Variants in VARS1 observed in about 807,000 individuals in gnomAD.
The protein encoded by VARS1 is valine--tRNA ligase.
A neutral mutation model predicts 161.0 loss-of-function variants in VARS1; 92 were observed. The observed-to-expected ratio is 0.57, with a 90% CI of 0.48 to 0.68. The LOEUF (loss-of-function observed/expected upper bound fraction) is 0.68, where lower values mean the gene tolerates loss of function less well. Ranked by LOEUF, VARS1 falls within the 30% of genes least tolerant of loss-of-function variation. The probability of loss-of-function intolerance (pLI) is 0.00; values close to 1 mark genes in which losing one functional copy is unlikely to be tolerated. For synonymous variants in VARS1, 595 were observed against 682.5 expected (o/e 0.87, Z 2.00); for missense variants, 1,338 against 1,695.9 (o/e 0.79, Z 3.71).
intron 4 of VARS1, 28 bp downstream of exon 4, chr6:31,792,729 T>C (rs1301402777): frequency 6.2e-7 from 1 of 1,613,068 alleles, no homozygotes; most frequent in Non-Finnish European, 8.5e-7. Context: ...GGGAAGCCCC[T>C]ATCCTCCAAC....
In VARS1 at chr6:31,780,181, C is replaced by T. The variant is rs754658019; in HGVS notation, c.2926-28G>A. Reference sequence around the variant, plus strand: ...TGGGGAGAGAGGGTGTATCAGCCGGCGGGCCAGGGGAGGGTGCCAGAACCC... The same window carrying T: ...TGGGGAGAGAGGGTGTATCAGCCGGTGGGCCAGGGGAGGGTGCCAGAACCC... On this transcript the variant is annotated intron_variant, in intron 25 of 29. Coordinates refer to ENST00000375663, the MANE Select transcript of VARS1 (RefSeq NM_006295.3). The surrounding 1 kb of genome is among the most constrained non-coding windows in gnomAD (Gnocchi z 5.1). 1.6e-5 allele frequency: 26 copies of T among 1,610,258 alleles called. No individual in the cohort carries two copies. Among genetic ancestry groups the T allele is most frequent in the East Asian group, 2.2e-5 (1 of 44,874 alleles).
At position 31,778,677 on chromosome 6, in the gene VARS1, T is replaced by G; in HGVS notation, c.3726+290A>C. ...AGTGTGTGCCACTATGGCCAGCTAA[T>G]TTTTGTATTTTTGTTGTAGAGATGG... is the stretch of plus-strand genomic sequence containing the variant. On this transcript the variant is annotated intron_variant, in intron 29 of 29. Transcript: ENST00000375663. The surrounding 1 kb of genome is among the most constrained non-coding windows in gnomAD (Gnocchi z 5.1). 6.1e-6 allele frequency: 3 copies of G among 491,474 alleles called. No homozygotes were observed. The highest frequency in any genetic ancestry group is 3.6e-6 in the Non-Finnish European group (1 of 275,604). The allele number at this position is 491,474 out of a possible 1,614,324, so 30.4% of individuals were successfully genotyped here. A position where few individuals can be genotyped will look rare whatever the true frequency, so the allele number is the denominator to read the frequency against.
chr6:31,790,104 TA>T (rs536213828), intron 8 of VARS1, among the ~76,000 whole-genome samples: 12,007 of 143,654 alleles, frequency 0.084, 568 homozygotes, highest in Non-Finnish European at 0.11. Flanking sequence ...GCTGATGAGC[TA>T]AAAAAAAAAA....
chr6:31,792,426 T>G lies in VARS1; in HGVS notation c.752A>C (p.Gln251Pro). 1 of 1,614,060 alleles carries G rather than the reference T, an allele frequency of 6.2e-7. No individual in the cohort carries two copies. Among genetic ancestry groups the G allele is most frequent in the Non-Finnish European group, 8.5e-7 (1 of 1,179,998 alleles). Residue 251 changes from glutamine to proline, a missense_variant, in exon 5 of 30, where the codon CAG becomes CCG. Coordinates refer to ENST00000375663, the MANE Select transcript of VARS1 (RefSeq NM_006295.3). ...REKLEKFQQKQKIQQQQPPPG... is the reference protein window; with the variant it reads ...REKLEKFQQKPKIQQQQPPPG... Reference sequence around the variant, plus strand: ...AGGTGGCTGCTGCTGTTGGATCTTCTGCTTCTGTTGGAATTTCTCTAGCTT... The same window carrying G: ...AGGTGGCTGCTGCTGTTGGATCTTCGGCTTCTGTTGGAATTTCTCTAGCTT...
Position 31,791,350 on chromosome 6 carries a change from A to AAAATT in VARS1, c.1100+255_1100+259dup, listed in dbSNP as rs1813852442. Among the ~76,000 whole-genome samples, 2 of 152,144 alleles carry AAAATT rather than the reference A, an allele frequency of 1.3e-5. No homozygotes were observed. Among genetic ancestry groups the AAAATT allele is most frequent in the Admixed American group, 6.5e-5 (1 of 15,278 alleles). On this transcript the variant is annotated intron_variant, in intron 8 of 29. Transcript: ENST00000375663. This position sits in a 1 kb window ranked among gnomAD's most constrained non-coding sequence, Gnocchi z 5.0. ...ACAAAGTGAAAACTCATCTTTACAAAAAATTAAATTAAATTAAATTAAAAT... is the reference window on the plus strand; with the variant it reads ...ACAAAGTGAAAACTCATCTTTACAAAAAATTAAATTAAATTAAATTAAATTAAAAT...
chr6:31,778,275 C>A lies in VARS1; in HGVS notation c.3727-613G>T. The stretch of plus-strand genomic sequence containing the variant: ...GGCATGCAGGTTTCCACATTTTGGG[C>A]AGCTGGGTGGGGTACGAAGGGTCTG... On this transcript the variant is annotated intron_variant, in intron 29 of 29. Transcript: ENST00000375663. The surrounding 1 kb of genome is among the most constrained non-coding windows in gnomAD (Gnocchi z 5.1). 6.4e-6 allele frequency: 1 copy of A among 156,196 alleles called. No homozygotes were observed. The highest frequency in any genetic ancestry group is 6.2e-5 in the Admixed American group (1 of 16,102). 9.7% of individuals were successfully genotyped at this position (156,196 alleles called of 1,614,324 possible). A position where few individuals can be genotyped will look rare whatever the true frequency, so the allele number is the denominator to read the frequency against.
chr6:31,783,058 G>A (rs1194984238), intron 14 of VARS1, 38 bp downstream of exon 14: 2 of 1,606,536 alleles, frequency 1.2e-6, no homozygotes, highest in South Asian at 2.2e-5. Context: ...TGCAGCTCCA[G>A]TCTTTTCCTC....
chr6:31,783,195 G>A lies in VARS1; in HGVS notation c.1672-9C>T, dbSNP rs372911022. The A allele has an allele frequency of 7.1e-5, 114 of 1,611,564 alleles. No homozygotes were observed. The highest frequency in any genetic ancestry group is 1.9e-4 in the South Asian group (17 of 90,782). On this transcript the variant is annotated splice_polypyrimidine_tract_variant and intron_variant, in intron 13 of 29. Coordinates refer to ENST00000375663, the MANE Select transcript of VARS1 (RefSeq NM_006295.3). Reference sequence around the variant, plus strand: ...TTCTTCCCCTTCAGGTGCTGGGGGCGGAAAGATACCAAAAACGCATGAAGC... The same window carrying A: ...TTCTTCCCCTTCAGGTGCTGGGGGCAGAAAGATACCAAAAACGCATGAAGC...
At position 31,782,661 on chromosome 6, in the gene VARS1, C is replaced by T. The variant is rs777756265; in HGVS notation, c.1888-28G>A. On this transcript the variant is annotated intron_variant, in intron 15 of 29. Coordinates refer to ENST00000375663, the MANE Select transcript of VARS1 (RefSeq NM_006295.3). The surrounding 1 kb of genome is among the most constrained non-coding windows in gnomAD (Gnocchi z 8.3). ...GGGTAGGAATGAGGCCTCATCATGG[C>T]GATGCCCAGCCATCCCTCCATCTCC... is the stretch of plus-strand genomic sequence containing the variant. 10 of 1,612,948 alleles carry T rather than the reference C, an allele frequency of 6.2e-6. No individual in the cohort carries two copies. Among genetic ancestry groups the T allele is most frequent in the South Asian group, 5.5e-5 (5 of 91,084 alleles).
Position 31,791,474 on chromosome 6 carries a change from CAGAG to C in VARS1, c.1100+132_1100+135del, listed in dbSNP as rs1813860178. The stretch of plus-strand genomic sequence containing the variant: ...AAGCTAAATGATCAGATTGGAATGA[CAGAG>C]AGAAGTGTAGCACCACTGGGGGCAG... On this transcript the variant is annotated intron_variant, in intron 8 of 29. Coordinates refer to ENST00000375663, the MANE Select transcript of VARS1 (RefSeq NM_006295.3). This position sits in a 1 kb window ranked among gnomAD's most constrained non-coding sequence, Gnocchi z 5.0. The C allele has an allele frequency of 7.9e-7, 1 of 1,265,004 alleles. No homozygotes were observed. Among genetic ancestry groups the C allele is most frequent in the Non-Finnish European group, 1.1e-6 (1 of 938,876 alleles). 78.4% of individuals were successfully genotyped at this position (1,265,004 alleles called of 1,614,324 possible). A position where few individuals can be genotyped will look rare whatever the true frequency, so the allele number is the denominator to read the frequency against.
At position 31,779,877 on chromosome 6, in the gene VARS1, G is replaced by C. The variant is rs547946661; in HGVS notation, c.3082-63C>G. 2.9e-4 allele frequency: 472 copies of C among 1,605,164 alleles called. 1 individual carries two copies. Among genetic ancestry groups the C allele is most frequent in the Non-Finnish European group, 3.5e-4 (416 of 1,175,048 alleles). On this transcript the variant is annotated intron_variant, in intron 26 of 29. Transcript: ENST00000375663. This position sits in a 1 kb window ranked among gnomAD's most constrained non-coding sequence, Gnocchi z 9.1. ...CTAGCCTTGAGCCCTCGCTGTGCCT[G>C]TGAGGACTGGGAAGGGGATGGGTTG...
chr6:31,779,919 C>CTG lies in VARS1; in HGVS notation c.3081+78_3081+79insCA. On this transcript the variant is annotated intron_variant, in intron 26 of 29. Transcript: ENST00000375663. The surrounding 1 kb of genome is among the most constrained non-coding windows in gnomAD (Gnocchi z 9.1). ...GATGGGTTGGCTTAGGTCTCAAGGC[C>CTG]AACTCTGGCAAAACTGAGCCCAGGG... 2 of 1,603,202 alleles carry CTG rather than the reference C, an allele frequency of 1.2e-6. No homozygotes were observed. Among genetic ancestry groups the CTG allele is most frequent in the Non-Finnish European group, 8.5e-7 (1 of 1,174,262 alleles).
Position 31,781,053 on chromosome 6 carries a change from T to G in VARS1, c.2615A>C (p.Asp872Ala). Residue 872 changes from aspartate to alanine, a missense_variant, in exon 22 of 30, where the codon GAT (aspartate) becomes GCT (alanine). This residue lies in a region of VARS1 where 433 missense variants were observed against 586.2 expected (regional missense o/e 0.74). Coordinates refer to ENST00000375663, the MANE Select transcript of VARS1 (RefSeq NM_006295.3). The surrounding 1 kb of genome is among the most constrained non-coding windows in gnomAD (Gnocchi z 6.8). ...GATTCCATAGATGACGTCCAGGGGA[T>G]CGATGACATTGCCTAGAGACTTGCT... ...KMSKSLGNVI[D>A]PLDVIYGISL... 6.2e-7 allele frequency: 1 copy of G among 1,613,828 alleles called. No individual in the cohort carries two copies. Among genetic ancestry groups the G allele is most frequent in the Non-Finnish European group, 8.5e-7 (1 of 1,180,020 alleles).
rs1813426147 is a variant in VARS1, at chr6:31,785,322, C to A, written c.1271G>T (p.Gly424Val). 1 of 1,612,982 alleles carries A rather than the reference C, an allele frequency of 6.2e-7. No homozygotes were observed. Among genetic ancestry groups the A allele is most frequent in the Admixed American group, 1.7e-5 (1 of 60,004 alleles). The change falls in exon 10 of 30, where the codon GGT becomes GTT. Residue 424 changes from glycine to valine, a missense_variant. Coordinates refer to ENST00000375663, the MANE Select transcript of VARS1 (RefSeq NM_006295.3). The surrounding 1 kb of genome is among the most constrained non-coding windows in gnomAD (Gnocchi z 6.1). The stretch of plus-strand genomic sequence containing the variant: ...CTTCAACTGGTGGTAAATCCGGTCA[C>A]CTTTCCTGGAAGCAGACAGGCTGAG... The part of the protein sequence containing the change: ...QEVWKWKEEK[G>V]DRIYHQLKKL...
In VARS1 at chr6:31,785,656, T is replaced by A; in HGVS notation, c.1178A>T (p.Glu393Val). 1.9e-6 allele frequency: 3 copies of A among 1,612,940 alleles called. No homozygotes were observed. Among genetic ancestry groups the A allele is most frequent in the Non-Finnish European group, 2.5e-6 (3 of 1,180,010 alleles). The stretch of plus-strand genomic sequence containing the variant: ...TCCCTGCTCACGCCATAGCTTCTTC[T>A]CCACCACCACCTGGGTGGCAATACC... ...HAGIATQVVV[E>V]KKLWREQGLS... is the part of the protein sequence containing the mutation. The change falls in exon 9 of 30, where the codon GAG becomes GTG. Residue 393 changes from glutamate (E) to valine (V), a missense_variant. Coordinates refer to ENST00000375663, the MANE Select transcript of VARS1 (RefSeq NM_006295.3). The surrounding 1 kb of genome is among the most constrained non-coding windows in gnomAD (Gnocchi z 6.1).
Position 31,792,920 on chromosome 6 carries a change from T to C in VARS1, c.523-25A>G, listed in dbSNP as rs773698986. On this transcript the variant is annotated intron_variant, in intron 3 of 29. Transcript: ENST00000375663. ...CCTGGAACAGGAAATAAATGACTCTTCTCAGTCACCCTACAGTGAGGTCTG... is the reference window on the plus strand; with the variant it reads ...CCTGGAACAGGAAATAAATGACTCTCCTCAGTCACCCTACAGTGAGGTCTG... The C allele has an allele frequency of 2.5e-6, 4 of 1,614,056 alleles. No homozygotes were observed. In the East Asian group the frequency reaches 8.9e-5, roughly 36 times the overall value.
intron 2 of VARS1, 100 bp downstream of exon 2, chr6:31,794,731 C>G (rs1745084591): frequency 7.0e-7 from 1 of 1,428,744 alleles, no homozygotes; most frequent in Non-Finnish European, 9.3e-7. Flanking sequence ...CACTCTTTTC[C>G]CACATCTGAT....
Position 31,795,289 on chromosome 6 carries a change from A to C in VARS1, c.-33-39T>G. 1.5e-6 allele frequency: 2 copies of C among 1,330,298 alleles called. No individual in the cohort carries two copies. Among genetic ancestry groups the C allele is most frequent in the Non-Finnish European group, 1.9e-6 (2 of 1,033,096 alleles). 82.4% of individuals were successfully genotyped at this position (1,330,298 alleles called of 1,614,324 possible). On this transcript the variant is annotated intron_variant, in intron 1 of 29. Transcript: ENST00000375663. This position sits in a 1 kb window ranked among gnomAD's most constrained non-coding sequence, Gnocchi z 6.9. ...GAGACAGGGGAAGACTGCGGGATCG[A>C]GGTGGGTCCTATGTTTGAGTAGAGA...
rs1181177174 is a variant in VARS1 at position 31,777,831 on chromosome 6, C to T, written c.3727-169G>A. ...CCCCACCCATTCCCACCAGCACCCC[C>T]ACTTCCACCACCACCTCTTGGGTCT... On this transcript the variant is annotated intron_variant, in intron 29 of 29. Coordinates refer to ENST00000375663, the MANE Select transcript of VARS1 (RefSeq NM_006295.3). This position sits in a 1 kb window ranked among gnomAD's most constrained non-coding sequence, Gnocchi z 5.8. 3.9e-5 allele frequency: 26 copies of T among 670,322 alleles called. No homozygotes were observed. The highest frequency in any genetic ancestry group is 6.7e-5 in the Non-Finnish European group (26 of 385,498). 41.5% of individuals were successfully genotyped at this position (670,322 alleles called of 1,614,324 possible).
Sources: gnomAD v4.1 joint callset for allele counts (sites outside exome capture counted in the v4.1 genomes callset) on GRCh38, gnomAD v4.1.1 for gene constraint, gnomAD v4.1.1 regional missense constraint, Gnocchi (gnomAD v3.1) non-coding constraint, MANE v1.5 for transcripts, NCBI Gene and HGNC (gene_info 2026-07-23, HGNC 2026-07-21) for gene names.